Variants in URM1 observed in about 807,000 individuals in gnomAD.
URM1 encodes the protein ubiquitin-related modifier 1.
In URM1, 11 loss-of-function variants were observed where a neutral mutation model predicts 17.7. The observed-to-expected ratio is 0.62, with a 90% confidence interval of 0.39 to 1.03. The LOEUF is 1.03. Ranked by LOEUF, URM1 falls within the 50% of genes least tolerant of loss-of-function variation. The pLI, the probability that URM1 is intolerant of heterozygous loss-of-function variation, is 0.00. For synonymous variants in URM1, 48 were observed against 50.6 expected (o/e 0.95, Z 0.22); for missense variants, 128 against 129.2 (o/e 0.99, Z 0.04).
chr9:128,390,052 T>G lies in URM1; in HGVS notation c.*318T>G, dbSNP rs1463850937. ...AGGTGACCTGGCTGCCTTCCACTCC[T>G]TGTACCTCAGTCTAAACATGGAGTG... On this transcript the variant is annotated 3_prime_UTR_variant, in exon 5 of 5. Transcript: ENST00000372853. 6 of 418,022 alleles carry G rather than the reference T, an allele frequency of 1.4e-5. No homozygotes were observed. Among genetic ancestry groups the G allele is most frequent in the African/African-American group, 6.1e-5 (3 of 49,084 alleles). The allele number at this position is 418,022 out of a possible 1,614,324, so 25.9% of individuals were successfully genotyped here.
chr9:128,377,364 A>G (rs926341044), intron 1 of URM1, among the ~76,000 whole-genome samples: 5 of 152,150 alleles, frequency 3.3e-5, no homozygotes, highest in Non-Finnish European at 5.9e-5. Flanking sequence ...CCATCTCTAC[A>G]AAAAATTTAA....
chr9:128,378,562 A>C (rs1169010109), intron 2 of URM1, among the ~76,000 whole-genome samples: 3 of 147,490 alleles, frequency 2.0e-5, no homozygotes, highest in Admixed American at 6.7e-5. Context: ...AAAAAAAAAA[A>C]AAAAAAAAAA....
intron 2 of URM1, among the ~76,000 whole-genome samples, chr9:128,384,324 G>A (rs75531869): frequency 0.01 from 1,541 of 152,292 alleles, 11 homozygotes; most frequent in Middle Eastern, 0.02. Flanking sequence ...GGTGCTGTGT[G>A]CCCGGGGGCA....
chr9:128,381,762 G>A (rs1246119151), intron 2 of URM1, among the ~76,000 whole-genome samples: 1 of 152,238 alleles, frequency 6.6e-6, no homozygotes, highest in African/African-American at 2.4e-5. Context: ...AAGTCATAGA[G>A]TTATTTAAAT....
rs1308364907 is a variant in URM1 at position 128,390,107 on chromosome 9, C to A, written c.*373C>A. 6 of 277,038 alleles carry A rather than the reference C, an allele frequency of 2.2e-5. No individual in the cohort carries two copies. The Admixed American group carries it at 3.0e-4, about 14-fold the overall frequency. 17.2% of individuals were successfully genotyped at this position (277,038 alleles called of 1,614,324 possible). A position where few individuals can be genotyped will look rare whatever the true frequency, so the allele number is the denominator to read the frequency against. On this transcript the variant is annotated 3_prime_UTR_variant, in exon 5 of 5. Coordinates refer to ENST00000372853, the MANE Select transcript of URM1 (RefSeq NM_030914.4). Reference sequence around the variant, plus strand: ...CTGACAAGGCGCTCCAGCCCCAGAGCCAGCGTCTTCATGGGGAAGATGAAT... The same window carrying A: ...CTGACAAGGCGCTCCAGCCCCAGAGACAGCGTCTTCATGGGGAAGATGAAT...
chr9:128,378,061 G>A lies in URM1; in HGVS notation c.61G>A (p.Gly21Ser), dbSNP rs1293122701. The A allele has an allele frequency of 7.4e-6, 12 of 1,611,400 alleles. No homozygotes were observed. Among genetic ancestry groups the A allele is most frequent in the Middle Eastern group, 1.6e-4 (1 of 6,078 alleles). Residue 21 changes from glycine (G) to serine (S), a missense_variant, in exon 2 of 5, where the codon GGT becomes AGT. Physicochemically the swap from Gly to Ser is moderately conservative, Grantham distance 56 (BLOSUM62 0). Transcript: ENST00000372853. ...FGGGAELLFD[G>S]IKKHRVTLPG... ...AGGTGGTGCGGAGCTCCTGTTTGAC[G>A]GTATTAAGAAACATCGAGTCACTTT...
In URM1 at chr9:128,389,995, G is replaced by C. The variant is rs1833288496; in HGVS notation, c.*261G>C. 5.5e-6 allele frequency: 3 copies of C among 550,376 alleles called. No homozygotes were observed. The South Asian group carries it at 7.3e-5, about 13-fold the overall frequency. The allele number at this position is 550,376 out of a possible 1,614,324, so 34.1% of individuals were successfully genotyped here. A position where few individuals can be genotyped will look rare whatever the true frequency, so the allele number is the denominator to read the frequency against. On this transcript the variant is annotated 3_prime_UTR_variant, in exon 5 of 5. Transcript: ENST00000372853. ...TGTGGTGGGGGAGGGTTCCCCTCCA[G>C]TTTGTCAAGAGTTGAAGGAGGCTCT... is the stretch of plus-strand genomic sequence containing the variant.
At chr9:128,386,153 C>T (rs1367815113) in intron 2 of URM1, among the ~76,000 whole-genome samples, 3 of 152,328 alleles carry the variant, frequency 2.0e-5, no homozygotes, top group South Asian at 2.1e-4. Flanking sequence ...ACCTTCTCGC[C>T]GCCTCCACAC....
chr9:128,373,719 C>T (rs569644549), intron 1 of URM1, among the ~76,000 whole-genome samples: 4 of 152,274 alleles, frequency 2.6e-5, no homozygotes, highest in South Asian at 2.1e-4. Flanking sequence ...CACCCCTCTT[C>T]CTCCTTCCCA....
chr9:128,382,960 C>T (rs76358681), intron 2 of URM1, among the ~76,000 whole-genome samples: 3,422 of 152,196 alleles, frequency 0.022, 135 homozygotes, highest in African/African-American at 0.078. Context: ...TAGACATGGC[C>T]GCCTCACCTT....
At chr9:128,388,355 T>C (rs1342940365) in intron 3 of URM1, 1 of 996,244 alleles carries the variant, frequency 1.0e-6, no homozygotes, top group Non-Finnish European at 1.2e-6. Flanking sequence ...AGTCATTGAC[T>C]CTGTGCGTGC....
chr9:128,371,496 GAC>G, intron 1 of URM1, 81 bp downstream of exon 1: 3 of 1,443,550 alleles, frequency 2.1e-6, no homozygotes, highest in Non-Finnish European at 2.9e-6. Context: ...CGTGGGGCCT[GAC>G]ACGGCCGAAT....
intron 1 of URM1, among the ~76,000 whole-genome samples, chr9:128,373,597 CTCAGCAGAGCGTTTT>C (rs1833039993): frequency 6.6e-6 from 1 of 152,164 alleles, no homozygotes; most frequent in African/African-American, 2.4e-5. Context: ...CTGAATTGTT[CTCAGCAGAGCGTTTT>C]CTCAGGTCAC....
intron 3 of URM1, chr9:128,388,546 C>G (rs1321175321): frequency 1.0e-6 from 1 of 985,924 alleles, no homozygotes; most frequent in Non-Finnish European, 1.2e-6. Context: ...AAGCATAGGT[C>G]ACTGTCAGGT....
Position 128,389,851 on chromosome 9 carries a change from C to A in URM1, c.*117C>A. 1.5e-6 allele frequency: 2 copies of A among 1,363,416 alleles called. No individual in the cohort carries two copies. The highest frequency in any genetic ancestry group is 2.0e-6 in the Non-Finnish European group (2 of 1,001,886). 84.5% of individuals were successfully genotyped at this position (1,363,416 alleles called of 1,614,324 possible). A position where few individuals can be genotyped will look rare whatever the true frequency, so the allele number is the denominator to read the frequency against. On this transcript the variant is annotated 3_prime_UTR_variant, in exon 5 of 5. Transcript: ENST00000372853. Reference sequence around the variant, plus strand: ...TTGCCTGCCTTCTTCCCTGCTCTGTCCCCTAAGCTCCCTCCAGGCAGGGAA... The same window carrying A: ...TTGCCTGCCTTCTTCCCTGCTCTGTACCCTAAGCTCCCTCCAGGCAGGGAA...
Position 128,389,923 on chromosome 9 carries a change from C to A in URM1, c.*189C>A. ...GAGCCTTTCTCAAGCACGTGAGCAGCGGAAGGCAGACAGGCGCCAGAGCCC... is the reference window on the plus strand; with the variant it reads ...GAGCCTTTCTCAAGCACGTGAGCAGAGGAAGGCAGACAGGCGCCAGAGCCC... On this transcript the variant is annotated 3_prime_UTR_variant, in exon 5 of 5. Transcript: ENST00000372853. The A allele has an allele frequency of 1.4e-6, 1 of 728,952 alleles. No individual in the cohort carries two copies. Among genetic ancestry groups the A allele is most frequent in the Non-Finnish European group, 2.2e-6 (1 of 458,530 alleles). The allele number at this position is 728,952 out of a possible 1,614,324, so 45.2% of individuals were successfully genotyped here.
Position 128,371,393 on chromosome 9 carries a change from T to G in URM1, c.13T>G (p.Leu5Val), listed in dbSNP as rs149548051. MAAP[L>V]SVEVEFGGGA... ...CGGCTTCCTCAACATGGCTGCGCCC[T>G]TGTCAGTGGAGGTGGAGTTCGGGTG... Residue 5 changes from leucine (L) to valine (V), a missense_variant, in exon 1 of 5, where the codon TTG (leucine) becomes GTG (valine). Coordinates refer to ENST00000372853, the MANE Select transcript of URM1 (RefSeq NM_030914.4). The G allele has an allele frequency of 6.2e-7, 1 of 1,612,636 alleles. No homozygotes were observed. The highest frequency in any genetic ancestry group is 1.7e-5 in the Admixed American group (1 of 59,898).
rs758561778 is a variant in URM1 at position 128,389,766 on chromosome 9, G to A, written c.*32G>A. On this transcript the variant is annotated 3_prime_UTR_variant, in exon 5 of 5. Transcript: ENST00000372853. ...TTCTCTGGGCCTGGGCACCCTTAGA[G>A]GGGAGAACGAAGCAATCAGACATCC... The A allele has an allele frequency of 1.9e-5, 31 of 1,613,010 alleles. No homozygotes were observed. The South Asian group carries it at 3.1e-4, about 16-fold the overall frequency.
intron 3 of URM1, chr9:128,388,470 A>G: frequency 8.1e-6 from 8 of 986,176 alleles, no homozygotes; most frequent in African/African-American, 1.7e-5. Flanking sequence ...AGTTACTTCT[A>G]AAACAAGGCC....
Sources: gnomAD v4.1 joint callset for allele counts (sites outside exome capture counted in the v4.1 genomes callset) on GRCh38, gnomAD v4.1.1 for gene constraint, MANE v1.5 for transcripts, NCBI Gene and HGNC (gene_info 2026-07-23, HGNC 2026-07-21) for gene names.